Variants in PRPF3 observed in about 807,000 individuals in gnomAD.
PRPF3 encodes pre-mRNA processing factor 3, also known as U4/U6 small nuclear ribonucleoprotein Prp3.
PRPF3 carries 3 observed loss-of-function variants against 89.2 expected under a neutral mutation model. The observed-to-expected ratio is 0.03, with a 90% confidence interval of 0.02 to 0.09. PRPF3 has a LOEUF of 0.09. Ranked by LOEUF, PRPF3 falls within the 10% of genes least tolerant of loss-of-function variation. The probability of loss-of-function intolerance (pLI) is 1.00; values close to 1 mark genes in which losing one functional copy is unlikely to be tolerated. For missense variants in PRPF3, 463 were observed against 828.8 expected, an observed-to-expected ratio of 0.56 and a Z score of 5.42; for synonymous variants, 270 against 289.1, an observed-to-expected ratio of 0.93 and a Z score of 0.67.
chr1:150,348,460 A>ATTGTTTTTTTTTTTTTTTTTTT (rs1658530596), intron 14 of PRPF3, among the ~76,000 whole-genome samples: 1 of 48,464 alleles, frequency 2.1e-5, no homozygotes, highest in African/African-American at 8.9e-5. Context: ...CTACACGTGC[A>ATTGTTTTTTTTTTTTTTTTTTT]TTTTTTTTTT....
chr1:150,352,143 T>C (rs1659001789), intron 15 of PRPF3, among the ~76,000 whole-genome samples: 1 of 152,162 alleles, frequency 6.6e-6, no homozygotes. Context: ...CCCCCAGTTG[T>C]TCTTTGTTGC....
rs372047987 is a variant in PRPF3 at position 150,333,234 on chromosome 1, C to G, written c.728+35C>G. The stretch of plus-strand genomic sequence containing the variant: ...TATTTCATGGAATACCTTTTCATTT[C>G]TGAAGTTTGAGAAGCAATAAATACC... On this transcript the variant is annotated intron_variant, in intron 6 of 15. Transcript: ENST00000324862. The G allele has an allele frequency of 5.0e-6, 8 of 1,603,586 alleles. No individual in the cohort carries two copies. The East Asian group carries it at 1.8e-4, about 36-fold the overall frequency.
Position 150,325,801 on chromosome 1 carries a change from C to T in PRPF3, c.196C>T (p.Leu66=), listed in dbSNP as rs782789225. 6.2e-6 allele frequency: 10 copies of T among 1,613,742 alleles called. No homozygotes were observed. Among genetic ancestry groups the T allele is most frequent in the Non-Finnish European group, 8.5e-6 (10 of 1,179,770 alleles). The change falls in exon 3 of 16, where the codon CTG becomes TTG. Residue 66 remains leucine (L), a synonymous_variant. Coordinates refer to ENST00000324862, the MANE Select transcript of PRPF3 (RefSeq NM_004698.4). ...TTCTACTCTCCGATTTGTGGACAAA[C>T]TGTTTGAGGCTGTGGAGGAAGGCCG... ...DDSTLRFVDK[L]FEAVEEGRSS... is the part of the protein sequence containing the mutation.
At chr1:150,349,340 T>A in intron 15 of PRPF3, 122 bp downstream of exon 15, 1 of 817,962 alleles carries the variant, frequency 1.2e-6, no homozygotes. Flanking sequence ...AATTTATGTT[T>A]CTTTTTGGAA....
intron 4 of PRPF3, 81 bp downstream of exon 4, chr1:150,328,547 ATTTTTT>A (rs34437719): frequency 2.1e-5 from 12 of 580,892 alleles, no homozygotes; most frequent in African/African-American, 3.4e-5. Flanking sequence ...TTATTGTGGA[ATTTTTT>A]TTTTTTTTTT....
rs1440578159 is a variant in PRPF3 at position 150,337,751 on chromosome 1, G to A, written c.1036-409G>A. ...TGCACTGCAGCCTGGGTGACAGAGT[G>A]AGACTCCGTCTACAAAAAAAAAAAA... On this transcript the variant is annotated intron_variant, in intron 7 of 15. Transcript: ENST00000324862. Among the ~76,000 whole-genome samples, 9 of 139,026 alleles carry A rather than the reference G, an allele frequency of 6.5e-5. No homozygotes were observed. In the East Asian group the frequency reaches 1.2e-3, roughly 19 times the overall value. The allele number at this position is 139,026 out of a possible 152,430, so 91.2% of individuals were successfully genotyped here. A position where few individuals can be genotyped will look rare whatever the true frequency, so the allele number is the denominator to read the frequency against.
intron 8 of PRPF3, among the ~76,000 whole-genome samples, chr1:150,339,062 T>C (rs968275185): frequency 6.6e-6 from 1 of 152,054 alleles, no homozygotes; most frequent in Non-Finnish European, 1.5e-5. Context: ...GTAGGTGAGA[T>C]AATAGTAAAT....
intron 4 of PRPF3, among the ~76,000 whole-genome samples, chr1:150,330,766 G>A (rs1656269452): frequency 1.3e-5 from 2 of 150,446 alleles, no homozygotes; most frequent in Non-Finnish European, 1.5e-5. Context: ...GCCCAGAGTG[G>A]AGTGTAATGG....
intron 14 of PRPF3, chr1:150,348,765 A>C (rs111557090): frequency 3.9e-6 from 1 of 256,978 alleles, no homozygotes; most frequent in Admixed American, 5.1e-5. Context: ...GCTGGCCGAT[A>C]ATTTTGATTT....
At position 150,335,195 on chromosome 1, in the gene PRPF3, A is replaced by G. The variant is rs1656836382; in HGVS notation, c.989A>G (p.His330Arg). Residue 330 changes from histidine (H) to arginine (R), a missense_variant, in exon 7 of 16, where the codon CAT (histidine) becomes CGT (arginine). By Grantham distance (29) the His-to-Arg change is conservative. Transcript: ENST00000324862. ...SQRQRRTFKF[H>R]DKGKFEKIAQ... is the part of the protein sequence containing the mutation. ...CGCCAGAGACGCACTTTTAAATTCC[A>G]TGACAAGGGCAAATTTGAGAAGATT... 6.2e-7 allele frequency: 1 copy of G among 1,614,148 alleles called. No individual in the cohort carries two copies. Among genetic ancestry groups the G allele is most frequent in the Non-Finnish European group, 8.5e-7 (1 of 1,180,010 alleles).
chr1:150,335,820 G>A (rs1176731933), intron 7 of PRPF3, among the ~76,000 whole-genome samples: 1 of 149,634 alleles, frequency 6.7e-6, no homozygotes, highest in Non-Finnish European at 1.5e-5. Flanking sequence ...CTGGGCTGGA[G>A]TGCAGTGGTA....
rs1216424818 is a variant in PRPF3 at position 150,328,310 on chromosome 1, G to A, written c.277-10G>A. On this transcript the variant is annotated splice_polypyrimidine_tract_variant and intron_variant, in intron 3 of 15. Transcript: ENST00000324862. Reference sequence around the variant, plus strand: ...GGATACAGCTTTTCTTTCATCTTGGGTTCCCTTAGGAGGTGTTTGGTGATG... The same window carrying A: ...GGATACAGCTTTTCTTTCATCTTGGATTCCCTTAGGAGGTGTTTGGTGATG... 6.2e-7 allele frequency: 1 copy of A among 1,613,726 alleles called. No individual in the cohort carries two copies. Among genetic ancestry groups the A allele is most frequent in the Non-Finnish European group, 8.5e-7 (1 of 1,179,928 alleles).
At chr1:150,333,229 C>G (rs781827111) in intron 6 of PRPF3, 30 bp downstream of exon 6, 1 of 1,606,436 alleles carries the variant, frequency 6.2e-7, no homozygotes, top group South Asian at 1.1e-5. Context: ...AATACCTTTT[C>G]ATTTCTGAAG....
intron 6 of PRPF3, 144 bp downstream of exon 6, chr1:150,333,343 T>A: frequency 1.1e-6 from 1 of 891,086 alleles, no homozygotes; most frequent in Non-Finnish European, 1.8e-6. Context: ...GTGGATCACC[T>A]GAGGTCAGGA....
chr1:150,348,105 T>G (rs1214291266), intron 14 of PRPF3, among the ~76,000 whole-genome samples: 2 of 151,950 alleles, frequency 1.3e-5, no homozygotes, highest in Admixed American at 1.3e-4. Context: ...CAGAGAGGCC[T>G]GGTGTGATGG....
rs1051529633 is a variant in PRPF3 at position 150,322,913 on chromosome 1, C to T, written c.-49+1321C>T. Among the ~76,000 whole-genome samples the T allele has an allele frequency of 6.0e-5, 9 of 149,996 alleles. No individual in the cohort carries two copies. In the East Asian group the frequency reaches 7.8e-4, roughly 13 times the overall value. ...TCCCCGGGACGGAGTCTTGCTCTGT[C>T]GCCCAGGCTGGAGTGCAGTGGTGCG... On this transcript the variant is annotated intron_variant, in intron 1 of 15. Coordinates refer to ENST00000324862, the MANE Select transcript of PRPF3 (RefSeq NM_004698.4).
At chr1:150,327,897 A>G (rs1332123966) in intron 3 of PRPF3, 1 of 194,854 alleles carries the variant, frequency 5.1e-6, no homozygotes, top group African/African-American at 2.4e-5. Context: ...AATGTAATTT[A>G]ACCTAATATG....
chr1:150,333,032 T>A lies in PRPF3; in HGVS notation c.561T>A (p.Ile187=), dbSNP rs1656590882. Residue 187 remains isoleucine (I), a synonymous_variant, in exon 6 of 16, where the codon ATT becomes ATA. Coordinates refer to ENST00000324862, the MANE Select transcript of PRPF3 (RefSeq NM_004698.4). ...AACGACTTCCTATTGGCAACACTATTCAGCCCTCCCAGGCTGCCACTTTCA... is the reference window on the plus strand; with the variant it reads ...AACGACTTCCTATTGGCAACACTATACAGCCCTCCCAGGCTGCCACTTTCA... ...QPERLPIGNT[I]QPSQAATFMN... The A allele has an allele frequency of 3.1e-6, 5 of 1,613,974 alleles. No individual in the cohort carries two copies. In the African/African-American group the frequency reaches 6.7e-5, roughly 22 times the overall value.
intron 8 of PRPF3, 56 bp downstream of exon 8, chr1:150,338,382 G>C: frequency 6.5e-7 from 1 of 1,530,024 alleles, no homozygotes; most frequent in Non-Finnish European, 9.0e-7. Context: ...CTGAGTTTAA[G>C]ACTCAAGTTA....
Sources: gnomAD v4.1 joint callset for allele counts (sites outside exome capture counted in the v4.1 genomes callset) on GRCh38, gnomAD v4.1.1 for gene constraint, MANE v1.5 for transcripts, NCBI Gene and HGNC (gene_info 2026-07-23, HGNC 2026-07-21) for gene names.